PLXNB2: variants seen among roughly 807,000 people sequenced by gnomAD.
PLXNB2 encodes plexin-B2.
Under a neutral mutation model 202.6 loss-of-function variants are expected in PLXNB2, and 85 were observed. That is an observed-to-expected ratio of 0.42 (90% confidence interval 0.35 to 0.50). PLXNB2 has a LOEUF of 0.50. PLXNB2 is among the 20% of genes least tolerant of loss of function. The pLI is 0.02. For missense variants in PLXNB2, 2,063 were observed against 2,586.2 expected (o/e 0.80, Z 4.39); for synonymous variants, 1,239 against 1,137.6 (o/e 1.09, Z -1.79).
chr22:50,299,684 G>C (rs1237732570), intron 1 of PLXNB2, among the ~76,000 whole-genome samples: 1 of 152,142 alleles, frequency 6.6e-6, no homozygotes, highest in Non-Finnish European at 1.5e-5. Flanking sequence ...GGCGCGGGGA[G>C]GGACTGGGTG....
intron 1 of PLXNB2, chr22:50,300,345 G>A: frequency 1.0e-6 from 1 of 985,044 alleles, no homozygotes; most frequent in Non-Finnish European, 1.2e-6. Flanking sequence ...GAAGGGGCGC[G>A]GGGAGCAGCT....
At chr22:50,296,969 T>C (rs1044130066) in intron 1 of PLXNB2, among the ~76,000 whole-genome samples, 1 of 152,080 alleles carries the variant, frequency 6.6e-6, no homozygotes, top group Non-Finnish European at 1.5e-5. Context: ...GCCAAAGGGC[T>C]GGGGAGAGGA....
Position 50,289,908 on chromosome 22 carries a change from G to C in PLXNB2, c.677C>G (p.Pro226Arg). The C allele has an allele frequency of 6.2e-7, 1 of 1,613,184 alleles. No individual in the cohort carries two copies. The highest frequency in any genetic ancestry group is 8.5e-7 in the Non-Finnish European group (1 of 1,180,030). The change falls in exon 3 of 37, where the codon CCC (proline) becomes CGC (arginine). Residue 226 changes from proline (P) to arginine (R), a missense_variant. Pro to Arg is a moderately radical substitution (Grantham distance 103). Transcript: ENST00000359337. This position sits in a 1 kb window ranked among gnomAD's most constrained non-coding sequence, Gnocchi z 8.0. ...CTGGTTGAAGACAAAGAAGACGTAGGGGCCGTCCTCGAAGGCCGCCACGAA... is the reference window on the plus strand; with the variant it reads ...CTGGTTGAAGACAAAGAAGACGTAGCGGCCGTCCTCGAAGGCCGCCACGAA... ...QQFVAAFEDG[P>R]YVFFVFNQQD...
At chr22:50,276,353 GGTGCAGCCGC>G in intron 35 of PLXNB2, among the ~76,000 whole-genome samples, 2 of 151,430 alleles carry the variant, frequency 1.3e-5, no homozygotes, top group African/African-American at 4.9e-5. Context: ...CACGGCCGAG[GGTGCAGCCGC>G]AGGGAGGGGG....
Position 50,278,207 on chromosome 22 carries a change from G to C in PLXNB2, c.4797C>G (p.Asp1599Glu). The C allele has an allele frequency of 1.2e-6, 2 of 1,608,968 alleles. No individual in the cohort carries two copies. Among genetic ancestry groups the C allele is most frequent in the Non-Finnish European group, 1.7e-6 (2 of 1,179,882 alleles). Residue 1599 changes from aspartate (D) to glutamate (E), a missense_variant, in exon 31 of 37, where the codon GAC becomes GAG. Physicochemically the swap from Asp to Glu is conservative, Grantham distance 45 (BLOSUM62 2). Around this residue, in one of 2 missense-constraint regions of PLXNB2, gnomAD observed 760 missense variants for 1,109.4 expected, o/e 0.69. Coordinates refer to ENST00000359337, the MANE Select transcript of PLXNB2 (RefSeq NM_012401.4). Reference sequence around the variant, plus strand: ...CGCTGCCTCTCTTGGACTTGCCCTCGTCCACCTCGTCGGTCGGCCGCACCA... The same window carrying C: ...CGCTGCCTCTCTTGGACTTGCCCTCCTCCACCTCGTCGGTCGGCCGCACCA... Reference protein sequence around the residue: ...WHLVRPTDEVDEGKSKRGSVK... With the variant: ...WHLVRPTDEVEEGKSKRGSVK...
Position 50,275,567 on chromosome 22 carries a change from C to T in PLXNB2, c.*137G>A, listed in dbSNP as rs909571354. The T allele has an allele frequency of 1.5e-5, 10 of 658,098 alleles. No individual in the cohort carries two copies. The highest frequency in any genetic ancestry group is 4.9e-5 in the Admixed American group (2 of 40,494). The allele number at this position is 658,098 out of a possible 1,614,324, so 40.8% of individuals were successfully genotyped here. ...TACAGTCTAGACGCTGGGCGGGTTC[C>T]GGCTGCACCCACTCCGGCTTGGGGC... On this transcript the variant is annotated 3_prime_UTR_variant, in exon 37 of 37. Coordinates refer to ENST00000359337, the MANE Select transcript of PLXNB2 (RefSeq NM_012401.4).
chr22:50,276,898 G>A lies in PLXNB2; in HGVS notation c.5205C>T (p.Pro1735=), dbSNP rs1024511742. 7 of 1,599,558 alleles carry A rather than the reference G, an allele frequency of 4.4e-6. No homozygotes were observed. The highest frequency in any genetic ancestry group is 3.4e-5 in the South Asian group (3 of 89,306). ...RTEHKLSRDS[P]SNKLLYAKEI... ...CCTTGGCGTACAGCAGCTTGTTGCT[G>A]GGAGAATCCTGTTGGGGACAAAACC... Residue 1735 remains proline (P), a synonymous_variant, in exon 34 of 37, where the codon CCC becomes CCT. Coordinates refer to ENST00000359337, the MANE Select transcript of PLXNB2 (RefSeq NM_012401.4).
At position 50,287,209 on chromosome 22, in the gene PLXNB2, C is replaced by T; in HGVS notation, c.1664G>A (p.Cys555Tyr). 1 of 1,550,494 alleles carries T rather than the reference C, an allele frequency of 6.4e-7. No individual in the cohort carries two copies. Among genetic ancestry groups the T allele is most frequent in the Non-Finnish European group, 8.7e-7 (1 of 1,146,988 alleles). ...PALSEEDELL[C>Y]LFGESPPHPA... ...GTGTGGCGGCGACTCCCCAAAAAGG[C>T]ACAGCAACTCGTCCTCCTCGCTCAG... The change falls in exon 8 of 37, where the codon TGC (cysteine) becomes TAC (tyrosine). Residue 555 changes from cysteine (C) to tyrosine (Y), a missense_variant. Cys to Tyr is a radical substitution (Grantham distance 194, BLOSUM62 -2). Coordinates refer to ENST00000359337, the MANE Select transcript of PLXNB2 (RefSeq NM_012401.4).
rs1053238443 is a variant in PLXNB2 at position 50,284,790 on chromosome 22, C to T, written c.2089-125G>A. 8.9e-5 allele frequency: 71 copies of T among 794,962 alleles called. No homozygotes were observed. The highest frequency in any genetic ancestry group is 1.5e-4 in the Non-Finnish European group (67 of 437,792). The allele number at this position is 794,962 out of a possible 1,614,324, so 49.2% of individuals were successfully genotyped here. ...GCCCTCTCCTCACCCCACACATGCCCGCCCCTCAGATTACCATGCCAGCTG... is the reference window on the plus strand; with the variant it reads ...GCCCTCTCCTCACCCCACACATGCCTGCCCCTCAGATTACCATGCCAGCTG... On this transcript the variant is annotated intron_variant, in intron 11 of 36. Transcript: ENST00000359337. This position sits in a 1 kb window ranked among gnomAD's most constrained non-coding sequence, Gnocchi z 8.0.
intron 1 of PLXNB2, among the ~76,000 whole-genome samples, chr22:50,301,820 C>A (rs1419763678): frequency 2.0e-5 from 3 of 152,260 alleles, no homozygotes; most frequent in African/African-American, 7.2e-5. Flanking sequence ...GTCACCCCAG[C>A]CCCGCCTCGC....
chr22:50,304,015 G>A (rs1445659771), intron 1 of PLXNB2, among the ~76,000 whole-genome samples: 1 of 152,202 alleles, frequency 6.6e-6, no homozygotes, highest in African/African-American at 2.4e-5. Flanking sequence ...GGCAGCTCAG[G>A]TGTGGCCTTA....
At position 50,289,214 on chromosome 22, in the gene PLXNB2, A is replaced by C; in HGVS notation, c.1069-72T>G. On this transcript the variant is annotated intron_variant, in intron 3 of 36. Coordinates refer to ENST00000359337, the MANE Select transcript of PLXNB2 (RefSeq NM_012401.4). The surrounding 1 kb of genome is among the most constrained non-coding windows in gnomAD (Gnocchi z 8.0). ...GGGCCCTCTCCACTCGCGCTCCAAGACTCGGGACAGGCCCTTCCCTTCCCT... is the reference window on the plus strand; with the variant it reads ...GGGCCCTCTCCACTCGCGCTCCAAGCCTCGGGACAGGCCCTTCCCTTCCCT... The C allele has an allele frequency of 7.4e-7, 1 of 1,343,830 alleles. No individual in the cohort carries two copies. Among genetic ancestry groups the C allele is most frequent in the South Asian group, 1.4e-5 (1 of 69,166 alleles). The allele number at this position is 1,343,830 out of a possible 1,614,324, so 83.2% of individuals were successfully genotyped here.
In PLXNB2 at chr22:50,280,677, G is replaced by A; in HGVS notation, c.3994-7C>T. On this transcript the variant is annotated splice_region_variant and splice_polypyrimidine_tract_variant and intron_variant, in intron 24 of 36. Transcript: ENST00000359337. ...TCTCCAGGGTGTGGATGAACTGTAG[G>A]GGCCGGCGGTCAAAGCCTGCCCGGC... The A allele has an allele frequency of 6.2e-7, 1 of 1,609,952 alleles. No homozygotes were observed.
intron 35 of PLXNB2, 35 bp downstream of exon 35, chr22:50,276,594 G>T: frequency 6.5e-7 from 1 of 1,533,528 alleles, no homozygotes; most frequent in Non-Finnish European, 9.0e-7. Context: ...TGGGAGCGGG[G>T]AGGGCTGTGG....
At position 50,291,938 on chromosome 22, in the gene PLXNB2, A is replaced by AT. The variant is rs2066898306; in HGVS notation, c.-13-1342_-13-1341insA. On this transcript the variant is annotated intron_variant, in intron 2 of 36. Transcript: ENST00000359337. This position sits in a 1 kb window ranked among gnomAD's most constrained non-coding sequence, Gnocchi z 4.3. ...CTCCCCCACCTCCCTGTGCAGGCCCACCCCGTGCCTCCAGAGGGACTGCCA... is the reference window on the plus strand; with the variant it reads ...CTCCCCCACCTCCCTGTGCAGGCCCATCCCCGTGCCTCCAGAGGGACTGCCA... Among the ~76,000 whole-genome samples, 1 of 151,806 alleles carries AT rather than the reference A, an allele frequency of 6.6e-6. No homozygotes were observed. Among genetic ancestry groups the AT allele is most frequent in the African/African-American group, 2.4e-5 (1 of 41,310 alleles).
chr22:50,282,897 T>G lies in PLXNB2; in HGVS notation c.2817-16A>C. 6.3e-7 allele frequency: 1 copy of G among 1,599,860 alleles called. No individual in the cohort carries two copies. Among genetic ancestry groups the G allele is most frequent in the Non-Finnish European group, 8.5e-7 (1 of 1,172,148 alleles). On this transcript the variant is annotated splice_polypyrimidine_tract_variant and intron_variant, in intron 17 of 36. Coordinates refer to ENST00000359337, the MANE Select transcript of PLXNB2 (RefSeq NM_012401.4). ...AAACTTCGTCCTGGGGGAGGGAGGG[T>G]GCTGGTCTGCATCAACCCCTCCCCC...
At position 50,280,427 on chromosome 22, in the gene PLXNB2, A is replaced by G. The variant is rs1303309181; in HGVS notation, c.4175+62T>C. The G allele has an allele frequency of 2.0e-6, 3 of 1,470,524 alleles. No individual in the cohort carries two copies. The African/African-American group carries it at 4.2e-5, about 21-fold the overall frequency. 91.1% of individuals were successfully genotyped at this position (1,470,524 alleles called of 1,614,324 possible). A position where few individuals can be genotyped will look rare whatever the true frequency, so the allele number is the denominator to read the frequency against. The stretch of plus-strand genomic sequence containing the variant: ...ACAGGCCGCTGTGCCACCCGCCACC[A>G]GCCCCAGAGCCCCTGCGGCCGCCCC... On this transcript the variant is annotated intron_variant, in intron 25 of 36. Transcript: ENST00000359337.
At chr22:50,299,032 T>C (rs2067478853) in intron 1 of PLXNB2, among the ~76,000 whole-genome samples, 1 of 152,132 alleles carries the variant, frequency 6.6e-6, no homozygotes. Flanking sequence ...GGGCTGCTCT[T>C]GGCCAGGCCA....
rs180969070 is a variant in PLXNB2 at position 50,294,839 on chromosome 22, A to G, written c.-73-61T>C. The stretch of plus-strand genomic sequence containing the variant: ...AGCCCGGTCTGCTGTGGAGCCCCCC[A>G]CCTCTGTCCCATGCTGGTGGGGCTT... On this transcript the variant is annotated intron_variant, in intron 1 of 36. Coordinates refer to ENST00000359337, the MANE Select transcript of PLXNB2 (RefSeq NM_012401.4). 1.2e-5 allele frequency: 10 copies of G among 844,934 alleles called. No individual in the cohort carries two copies. The African/African-American group carries it at 1.5e-4, about 12-fold the overall frequency. The allele number at this position is 844,934 out of a possible 1,614,324, so 52.3% of individuals were successfully genotyped here.
Sources: gnomAD v4.1 joint callset for allele counts (sites outside exome capture counted in the v4.1 genomes callset) on GRCh38, gnomAD v4.1.1 for gene constraint, gnomAD v4.1.1 regional missense constraint, Gnocchi (gnomAD v3.1) non-coding constraint, MANE v1.5 for transcripts, NCBI Gene and HGNC (gene_info 2026-07-23, HGNC 2026-07-21) for gene names.